Variants in WIF1 observed in about 807,000 individuals in gnomAD.
WIF1 encodes Wnt inhibitory factor 1.
Under a neutral mutation model 53.5 loss-of-function variants are expected in WIF1, and 35 were observed. That is an observed-to-expected ratio of 0.65 (90% CI 0.50 to 0.87). WIF1 has a LOEUF of 0.87. Ranked by LOEUF, WIF1 falls within the 40% of genes least tolerant of loss-of-function variation. The pLI is 0.00. For synonymous variants in WIF1, 171 were observed against 170.4 expected (o/e 1.00, Z -0.03); for missense variants, 467 against 476.8 (o/e 0.98, Z 0.19).
intron 2 of WIF1, among the ~76,000 whole-genome samples, chr12:65,099,244 C>A (rs1256502164): frequency 6.6e-6 from 1 of 152,116 alleles, no homozygotes; most frequent in African/African-American, 2.4e-5. Context: ...CTGATGTTTT[C>A]AAAATGTATA....
chr12:65,099,952 A>C (rs1883256043), intron 2 of WIF1, among the ~76,000 whole-genome samples: 1 of 152,148 alleles, frequency 6.6e-6, no homozygotes, highest in Non-Finnish European at 1.5e-5. Flanking sequence ...TTAGGAGAAT[A>C]TATTATTTAA....
Position 65,121,088 on chromosome 12 carries a change from C to A in WIF1, c.104G>T (p.Ser35Ile), listed in dbSNP as rs1883602266. ...GTGAGCATCGATCCATAGGTACAGG[C>A]TCTCCTCCTGCGGCGGCCCGGCCTC... is the stretch of plus-strand genomic sequence containing the variant. ...RAEAGPPQEE[S>I]LYLWIDAHQA... Residue 35 changes from serine (S) to isoleucine (I), a missense_variant, in exon 1 of 10, where the codon AGC becomes ATC. Coordinates refer to ENST00000286574, the MANE Select transcript of WIF1 (RefSeq NM_007191.5). The A allele has an allele frequency of 6.5e-7, 1 of 1,545,990 alleles. No homozygotes were observed. The highest frequency in any genetic ancestry group is 1.7e-4 in the Middle Eastern group (1 of 5,944).
At chr12:65,056,253 C>G in intron 7 of WIF1, 127 bp from the exon 8 acceptor site, 2 of 735,352 alleles carry the variant, frequency 2.7e-6, no homozygotes, top group South Asian at 4.1e-5. Flanking sequence ...TCATTTATTT[C>G]AGATCTACTC....
At chr12:65,067,960 T>C (rs1003652584) in intron 4 of WIF1, among the ~76,000 whole-genome samples, 170 bp from the exon 5 acceptor site, 1 of 152,148 alleles carries the variant, frequency 6.6e-6, no homozygotes, top group African/African-American at 2.4e-5. Flanking sequence ...TGGATTTCAC[T>C]AAATCTGCTG....
chr12:65,106,337 A>G (rs1883350894), intron 2 of WIF1, among the ~76,000 whole-genome samples: 1 of 151,600 alleles, frequency 6.6e-6, no homozygotes, highest in Non-Finnish European at 1.5e-5. Flanking sequence ...TCTATGATTA[A>G]CAGAATCATA....
At chr12:65,101,516 A>G (rs1883282249) in intron 2 of WIF1, among the ~76,000 whole-genome samples, 1 of 152,226 alleles carries the variant, frequency 6.6e-6, no homozygotes, top group South Asian at 2.1e-4. Context: ...TGAATTTAAG[A>G]AATTTTATTA....
intron 6 of WIF1, among the ~76,000 whole-genome samples, chr12:65,064,786 C>T (rs773599151): frequency 6.6e-6 from 1 of 152,146 alleles, no homozygotes; most frequent in Non-Finnish European, 1.5e-5. Context: ...GTGTTTGTGA[C>T]ACCGTAGCAC....
intron 1 of WIF1, 75 bp from the exon 2 acceptor site, chr12:65,120,631 G>A (rs910796114): frequency 3.0e-5 from 45 of 1,515,712 alleles, no homozygotes; most frequent in Middle Eastern, 1.9e-4. Context: ...CAAGCAAAAA[G>A]AAAACCAAAG....
At chr12:65,058,588 C>G (rs1282879814) in intron 7 of WIF1, among the ~76,000 whole-genome samples, 4 of 152,162 alleles carry the variant, frequency 2.6e-5, no homozygotes, top group African/African-American at 9.7e-5. Context: ...AGTTTAAAGA[C>G]TATAGGAGCC....
chr12:65,096,563 A>G (rs1389096259), intron 2 of WIF1, among the ~76,000 whole-genome samples: 4 of 152,224 alleles, frequency 2.6e-5, no homozygotes, highest in Non-Finnish European at 2.9e-5. Context: ...AGACACATGC[A>G]CACATATGTT....
intron 7 of WIF1, 55 bp from the exon 8 acceptor site, chr12:65,056,181 A>G: frequency 1.3e-6 from 2 of 1,529,944 alleles, no homozygotes. Flanking sequence ...ATTCAGAGGT[A>G]ATTACATTTT....
chr12:65,101,300 G>C (rs559712192), intron 2 of WIF1, among the ~76,000 whole-genome samples: 1 of 152,290 alleles, frequency 6.6e-6, no homozygotes, highest in South Asian at 2.1e-4. Flanking sequence ...CAGTTTCTCA[G>C]TTGTTTGTAA....
chr12:65,120,708 T>C, intron 1 of WIF1, 152 bp from the exon 2 acceptor site: 1 of 935,338 alleles, frequency 1.1e-6, no homozygotes, highest in Non-Finnish European at 1.5e-6. Flanking sequence ...CTAAGATTAA[T>C]TTTTCTCTGT....
chr12:65,088,747 T>A (rs1883079658), intron 2 of WIF1, among the ~76,000 whole-genome samples: 1 of 152,124 alleles, frequency 6.6e-6, no homozygotes, highest in South Asian at 2.1e-4. Context: ...CCTTCTCCAA[T>A]CACTTTCTCT....
chr12:65,091,533 A>G (rs1446877795), intron 2 of WIF1, among the ~76,000 whole-genome samples: 1 of 151,864 alleles, frequency 6.6e-6, no homozygotes, highest in African/African-American at 2.4e-5. Flanking sequence ...ATTAAATTCA[A>G]TATTGTATCC....
At chr12:65,117,354 T>C (rs556020572) in intron 2 of WIF1, among the ~76,000 whole-genome samples, 2 of 152,318 alleles carry the variant, frequency 1.3e-5, no homozygotes, top group South Asian at 4.1e-4. Context: ...CTAAAACCAC[T>C]TTTAAAAGAT....
intron 9 of WIF1, among the ~76,000 whole-genome samples, chr12:65,054,316 A>C (rs968285939): frequency 6.6e-6 from 1 of 152,090 alleles, no homozygotes; most frequent in Non-Finnish European, 1.5e-5. Context: ...TAGCTGCCAG[A>C]AATGCTGAAA....
At chr12:65,051,972 G>A (rs1200711016) in intron 9 of WIF1, among the ~76,000 whole-genome samples, 1 of 152,166 alleles carries the variant, frequency 6.6e-6, no homozygotes, top group South Asian at 2.1e-4. Flanking sequence ...TCCATTATAT[G>A]TGTCAGGGAA....
chr12:65,060,652 C>T (rs184963536), intron 7 of WIF1, among the ~76,000 whole-genome samples: 17 of 152,184 alleles, frequency 1.1e-4, no homozygotes, highest in Admixed American at 3.3e-4. Context: ...GTGAATAACC[C>T]GAATGGTACA....
Sources: allele counts gnomAD v4.1 joint callset (sites outside exome capture counted in the v4.1 genomes callset), GRCh38; gene constraint gnomAD v4.1.1; transcripts MANE v1.5; gene names NCBI Gene and HGNC (gene_info 2026-07-23, HGNC 2026-07-21).